VKORC1L1: variants seen among roughly 807,000 people sequenced by gnomAD.
VKORC1L1 encodes vitamin K epoxide reductase complex subunit 1-like protein 1.
A neutral mutation model predicts 18.9 loss-of-function variants in VKORC1L1; 2 were observed. The observed-to-expected ratio is 0.11, with a 90% CI of 0.04 to 0.33. VKORC1L1 has a LOEUF of 0.33. VKORC1L1 is among the 10% of genes least tolerant of loss of function. The probability of loss-of-function intolerance (pLI) is 1.00; values close to 1 mark genes in which losing one functional copy is unlikely to be tolerated. For missense variants in VKORC1L1, 123 were observed against 224.1 expected (o/e 0.55, Z 2.88); for synonymous variants, 96 against 100.0 (o/e 0.96, Z 0.24).
At chr7:65,950,359 T>G (rs1288899368) in intron 2 of VKORC1L1, among the ~76,000 whole-genome samples, 3 of 152,256 alleles carry the variant, frequency 2.0e-5, no homozygotes, top group Non-Finnish European at 4.4e-5. Flanking sequence ...TTGCATTTTA[T>G]TTTTCTTCTT....
At chr7:65,949,433 C>G (rs755692543) in intron 2 of VKORC1L1, among the ~76,000 whole-genome samples, 1 of 151,836 alleles carries the variant, frequency 6.6e-6, no homozygotes, top group Non-Finnish European at 1.5e-5. Flanking sequence ...GAGCTGAGAT[C>G]GCGCCATTGC....
At chr7:65,950,608 T>C (rs927537383) in intron 2 of VKORC1L1, among the ~76,000 whole-genome samples, 1 of 152,070 alleles carries the variant, frequency 6.6e-6, no homozygotes, top group Non-Finnish European at 1.5e-5. Flanking sequence ...AGGATATTCA[T>C]AGCAGTACAG....
At chr7:65,911,781 G>A (rs988538735) in intron 1 of VKORC1L1, among the ~76,000 whole-genome samples, 22 of 152,126 alleles carry the variant, frequency 1.4e-4, no homozygotes, top group Admixed American at 5.2e-4. Flanking sequence ...TGACCCTGTC[G>A]TGGATTCATA....
chr7:65,921,752 G>A (rs986808122), intron 1 of VKORC1L1, among the ~76,000 whole-genome samples: 10 of 152,208 alleles, frequency 6.6e-5, no homozygotes, highest in Non-Finnish European at 1.0e-4. Context: ...GGAGGCTGAG[G>A]CAGGAGAATG....
In VKORC1L1 at chr7:65,958,713, C is replaced by G. The variant is rs1790341817; in HGVS notation, c.*4413C>G. The G allele has an allele frequency of 6.6e-6, 1 of 152,156 alleles. No individual in the cohort carries two copies. The highest frequency in any genetic ancestry group is 1.5e-5 in the Non-Finnish European group (1 of 68,032). 9.4% of individuals were successfully genotyped at this position (152,156 alleles called of 1,614,324 possible). The stretch of plus-strand genomic sequence containing the variant: ...TTTCTCTTAAATCATATGTAACTTG[C>G]AGAAGATTCAGAGTCCTCAGACCTC... On this transcript the variant is annotated 3_prime_UTR_variant, in exon 3 of 3. Transcript: ENST00000360768.
At chr7:65,927,998 CTCTT>C (rs1256037423) in intron 1 of VKORC1L1, among the ~76,000 whole-genome samples, 3 of 152,074 alleles carry the variant, frequency 2.0e-5, no homozygotes, top group Non-Finnish European at 4.4e-5. Flanking sequence ...GCTTCTTTAT[CTCTT>C]TATTTCCGTG....
intron 1 of VKORC1L1, among the ~76,000 whole-genome samples, chr7:65,932,119 G>T (rs1789867866): frequency 6.6e-6 from 1 of 151,482 alleles, no homozygotes; most frequent in African/African-American, 2.4e-5. Flanking sequence ...TTGTTTTGAG[G>T]CAGGGTATCA....
chr7:65,881,357 A>G (rs1413915612), intron 1 of VKORC1L1, among the ~76,000 whole-genome samples: 1 of 152,240 alleles, frequency 6.6e-6, no homozygotes, highest in Admixed American at 6.5e-5. Flanking sequence ...GGTTATCTCA[A>G]GAGAGTTAAT....
intron 1 of VKORC1L1, among the ~76,000 whole-genome samples, chr7:65,894,408 C>T (rs1789157810): frequency 6.6e-6 from 1 of 152,072 alleles, no homozygotes; most frequent in South Asian, 2.1e-4. Flanking sequence ...TAAAGGTTTG[C>T]ACATTTTCCA....
In VKORC1L1 at chr7:65,889,257, C is replaced by T. The variant is rs540120140; in HGVS notation, c.194+15692C>T. Among the ~76,000 whole-genome samples the T allele has an allele frequency of 3.3e-5, 5 of 152,326 alleles. No individual in the cohort carries two copies. The South Asian group carries it at 1.0e-3, about 32-fold the overall frequency. On this transcript the variant is annotated intron_variant, in intron 1 of 2. Coordinates refer to ENST00000360768, the MANE Select transcript of VKORC1L1 (RefSeq NM_173517.6). ...AACATTTTTATCTCTACCCCAACCT[C>T]TGCTGTTGAGTACTTCATTTGCTAA... is the stretch of plus-strand genomic sequence containing the variant.
In VKORC1L1 at chr7:65,873,305, C is replaced by G. The variant is rs1329001860; in HGVS notation, c.-67C>G. 3.3e-6 allele frequency: 4 copies of G among 1,196,936 alleles called. No homozygotes were observed. The Admixed American group carries it at 1.4e-4, about 42-fold the overall frequency. 74.1% of individuals were successfully genotyped at this position (1,196,936 alleles called of 1,614,324 possible). A position where few individuals can be genotyped will look rare whatever the true frequency, so the allele number is the denominator to read the frequency against. On this transcript the variant is annotated 5_prime_UTR_variant, in exon 1 of 3. Transcript: ENST00000360768. ...GCGGTGGCGGCGGTGGCGGCTGGGTCGGGCCCCGACGGGCGGCGGCGGCTG... is the reference window on the plus strand; with the variant it reads ...GCGGTGGCGGCGGTGGCGGCTGGGTGGGGCCCCGACGGGCGGCGGCGGCTG...
intron 1 of VKORC1L1, among the ~76,000 whole-genome samples, chr7:65,876,371 A>C (rs909160717): frequency 6.6e-6 from 1 of 152,014 alleles, no homozygotes; most frequent in African/African-American, 2.4e-5. Flanking sequence ...GCGTGGTAGC[A>C]TGCACCTGTA....
upstream of VKORC1L1, among the ~76,000 whole-genome samples, chr7:65,868,560 T>C (rs1053680558): frequency 2.6e-5 from 4 of 152,220 alleles, no homozygotes; most frequent in Non-Finnish European, 4.4e-5. Context: ...AGCAAAGATA[T>C]GGAATCAACC....
Position 65,899,095 on chromosome 7 carries a change from G to A in VKORC1L1, c.194+25530G>A, listed in dbSNP as rs570617889. Among the ~76,000 whole-genome samples, 13 of 152,332 alleles carry A rather than the reference G, an allele frequency of 8.5e-5. No homozygotes were observed. In the South Asian group the frequency reaches 1.0e-3, roughly 12 times the overall value. On this transcript the variant is annotated intron_variant, in intron 1 of 2. Transcript: ENST00000360768. ...ACATGGTAAAAAGTTGAAGGCTGGC[G>A]TGTCTTATTCATTTCAACCAATATT...
chr7:65,934,882 G>A (rs1354947959), intron 1 of VKORC1L1, among the ~76,000 whole-genome samples: 2 of 151,748 alleles, frequency 1.3e-5, no homozygotes, highest in African/African-American at 4.8e-5. Flanking sequence ...GTGAAACCCC[G>A]TCTCTACTAA....
At chr7:65,882,028 T>C (rs1210627688) in intron 1 of VKORC1L1, among the ~76,000 whole-genome samples, 1 of 149,852 alleles carries the variant, frequency 6.7e-6, no homozygotes. Context: ...TGCAGTGAGC[T>C]GAGATCATGC....
intron 1 of VKORC1L1, among the ~76,000 whole-genome samples, chr7:65,882,374 C>T (rs1307119318): frequency 4.1e-5 from 6 of 145,760 alleles, no homozygotes; most frequent in South Asian, 2.1e-4. Flanking sequence ...AGTGAAACTC[C>T]GTCTGAAAAA....
intron 1 of VKORC1L1, among the ~76,000 whole-genome samples, chr7:65,898,554 A>C (rs1240798417): frequency 2.6e-5 from 4 of 152,208 alleles, no homozygotes; most frequent in African/African-American, 9.7e-5. Flanking sequence ...AGCATATATA[A>C]TTGGAATATA....
chr7:65,911,953 T>C (rs978654700), intron 1 of VKORC1L1, among the ~76,000 whole-genome samples: 1 of 152,194 alleles, frequency 6.6e-6, no homozygotes, highest in African/African-American at 2.4e-5. Flanking sequence ...ATTTATTTGA[T>C]ACCTATTATA....
Sources: allele counts gnomAD v4.1 joint callset (sites outside exome capture counted in the v4.1 genomes callset), GRCh38; gene constraint gnomAD v4.1.1; transcripts MANE v1.5; gene names NCBI Gene and HGNC (gene_info 2026-07-23, HGNC 2026-07-21).